SYT1: variants seen among roughly 807,000 people sequenced by gnomAD.
The protein encoded by SYT1 is synaptotagmin-1.
SYT1 carries 8 observed loss-of-function variants against 44.8 expected under a neutral mutation model. The observed-to-expected ratio is 0.18, with a 90% CI of 0.10 to 0.32. The LOEUF is 0.32. SYT1 is among the 10% of genes least tolerant of loss of function. SYT1 has a pLI of 1.00. For missense variants in SYT1, 286 were observed against 509.3 expected, an observed-to-expected ratio of 0.56 and a Z score of 4.22; for synonymous variants, 154 against 188.8, an observed-to-expected ratio of 0.82 and a Z score of 1.51.
chr12:78,936,493 G>A (rs1287989928), intron 1 of SYT1, among the ~76,000 whole-genome samples: 1 of 152,042 alleles, frequency 6.6e-6, no homozygotes, highest in African/African-American at 2.4e-5. Flanking sequence ...GATTGGCCTT[G>A]TAGGTATGCC....
intron 3 of SYT1, among the ~76,000 whole-genome samples, chr12:79,065,854 G>A (rs939583279): frequency 1.1e-4 from 17 of 152,080 alleles, no homozygotes; most frequent in Non-Finnish European, 2.1e-4. Flanking sequence ...CTATCTTATA[G>A]CTTAATTGGT....
At chr12:79,068,502 G>A (rs1876033235) in intron 3 of SYT1, among the ~76,000 whole-genome samples, 1 of 152,082 alleles carries the variant, frequency 6.6e-6, no homozygotes, top group African/African-American at 2.4e-5. Flanking sequence ...TTCTTTCAGA[G>A]CTCAAGAATA....
intron 9 of SYT1, among the ~76,000 whole-genome samples, chr12:79,360,799 C>T (rs1258631608): frequency 6.6e-6 from 1 of 152,094 alleles, no homozygotes; most frequent in Non-Finnish European, 1.5e-5. Context: ...ATTCGTAAAA[C>T]ATGAACAGAT....
rs188471186 is a variant in SYT1 at position 79,377,190 on chromosome 12, C to G, written c.928+23571C>G. On this transcript the variant is annotated intron_variant, in intron 9 of 10. Coordinates refer to ENST00000261205, the MANE Select transcript of SYT1 (RefSeq NM_005639.3). Reference sequence around the variant, plus strand: ...GCAGTGGCGCAATCTCAGCTCACTGCAAGCTCTGCCTCCCAGGTTCACACC... The same window carrying G: ...GCAGTGGCGCAATCTCAGCTCACTGGAAGCTCTGCCTCCCAGGTTCACACC... Among the ~76,000 whole-genome samples, 14 of 152,268 alleles carry G rather than the reference C, an allele frequency of 9.2e-5. No individual in the cohort carries two copies. In the East Asian group the frequency reaches 2.1e-3, roughly 23 times the overall value.
chr12:79,380,681 C>T (rs1390159925), intron 9 of SYT1, among the ~76,000 whole-genome samples: 1 of 152,200 alleles, frequency 6.6e-6, no homozygotes, highest in African/African-American at 2.4e-5. Context: ...AGCCATCATG[C>T]CCAGCTAAAC....
At chr12:78,949,694 T>A (rs536057743) in intron 1 of SYT1, among the ~76,000 whole-genome samples, 10 of 152,032 alleles carry the variant, frequency 6.6e-5, no homozygotes, top group Non-Finnish European at 1.5e-4. Flanking sequence ...AAATTTATTT[T>A]TGAGTGAGAA....
intron 1 of SYT1, among the ~76,000 whole-genome samples, chr12:78,933,386 T>A (rs1391437634): frequency 6.6e-6 from 1 of 152,166 alleles, no homozygotes; most frequent in Non-Finnish European, 1.5e-5. Context: ...AGCTAGAACT[T>A]ACTAAATAAA....
intron 3 of SYT1, among the ~76,000 whole-genome samples, chr12:79,121,683 C>A (rs1043844704): frequency 6.6e-6 from 1 of 152,154 alleles, no homozygotes; most frequent in Non-Finnish European, 1.5e-5. Context: ...GCTGCACTTG[C>A]GTACTGAGCC....
chr12:79,056,989 C>T (rs1874995278), intron 3 of SYT1, among the ~76,000 whole-genome samples: 1 of 151,978 alleles, frequency 6.6e-6, no homozygotes, highest in Non-Finnish European at 1.5e-5. Context: ...GGCTATCAAT[C>T]CTAACACCAC....
intron 9 of SYT1, among the ~76,000 whole-genome samples, chr12:79,364,063 T>C (rs1250606910): frequency 6.6e-6 from 1 of 152,254 alleles, no homozygotes; most frequent in Non-Finnish European, 1.5e-5. Context: ...ATGATCTGAC[T>C]TAATTTCATC....
At chr12:79,340,764 G>C (rs1003371423) in intron 8 of SYT1, among the ~76,000 whole-genome samples, 1 of 152,064 alleles carries the variant, frequency 6.6e-6, no homozygotes, top group African/African-American at 2.4e-5. Context: ...TGTTTTAAAG[G>C]ACCCATAGAG....
rs527978419 is a variant in SYT1, at chr12:79,037,573, A to G, written c.-83-9724A>G. ...TCTGTCATAATGAGAGCGGGCTTGT[A>G]GACTTATGCCTCTTACATGGTTGTC... On this transcript the variant is annotated intron_variant, in intron 2 of 10. Transcript: ENST00000261205. Among the ~76,000 whole-genome samples the G allele has an allele frequency of 2.6e-5, 4 of 151,862 alleles. No homozygotes were observed. In the South Asian group the frequency reaches 8.3e-4, roughly 32 times the overall value.
At chr12:78,974,688 A>G (rs1010073083) in intron 1 of SYT1, among the ~76,000 whole-genome samples, 1 of 152,192 alleles carries the variant, frequency 6.6e-6, no homozygotes, top group African/African-American at 2.4e-5. Context: ...CGCCCGCCTC[A>G]GCCTCCCAAA....
intron 3 of SYT1, among the ~76,000 whole-genome samples, chr12:79,156,471 C>CTTG (rs996787500): frequency 1.4e-4 from 21 of 147,652 alleles, no homozygotes; most frequent in South Asian, 2.2e-4. Flanking sequence ...TGTTGTTGTT[C>CTTG]TTGTTGTTGT....
At chr12:79,364,369 GACAGAGAATGATCC>G (rs570655257) in intron 9 of SYT1, among the ~76,000 whole-genome samples, 6 of 152,154 alleles carry the variant, frequency 3.9e-5, no homozygotes, top group African/African-American at 1.2e-4. Flanking sequence ...AAAAAGTAAA[GACAGAGAATGATCC>G]CTTGGTCACC....
intron 3 of SYT1, among the ~76,000 whole-genome samples, chr12:79,062,354 T>C (rs560846028): frequency 1.3e-5 from 2 of 152,298 alleles, no homozygotes; most frequent in Non-Finnish European, 2.9e-5. Context: ...CATTGACTTT[T>C]CAATGTTCTG....
chr12:79,114,973 A>G (rs1379967292), intron 3 of SYT1, among the ~76,000 whole-genome samples: 1 of 152,226 alleles, frequency 6.6e-6, no homozygotes, highest in Non-Finnish European at 1.5e-5. Flanking sequence ...ACATTTTTGA[A>G]AGGAAACATT....
chr12:79,058,063 G>T (rs2137827665), intron 3 of SYT1, among the ~76,000 whole-genome samples: 1 of 152,112 alleles, frequency 6.6e-6, no homozygotes, highest in African/African-American at 2.4e-5. Context: ...CCCATTTTAA[G>T]AAGTGAACAA....
intron 3 of SYT1, among the ~76,000 whole-genome samples, chr12:79,175,191 C>T (rs142900060): frequency 2.0e-5 from 3 of 152,120 alleles, no homozygotes; most frequent in Non-Finnish European, 4.4e-5. Context: ...ACACTGTATT[C>T]AATTTTAGTT....
Sources: allele counts gnomAD v4.1 joint callset (sites outside exome capture counted in the v4.1 genomes callset), GRCh38; gene constraint gnomAD v4.1.1; transcripts MANE v1.5; gene names NCBI Gene and HGNC (gene_info 2026-07-23, HGNC 2026-07-21).